Variants in NPAS2 observed in about 807,000 individuals in gnomAD.
The protein encoded by NPAS2 is neuronal PAS domain-containing protein 2.
A neutral mutation model predicts 107.5 loss-of-function variants in NPAS2; 23 were observed. The observed-to-expected ratio is 0.21, with a 90% confidence interval of 0.15 to 0.30. The LOEUF (loss-of-function observed/expected upper bound fraction) is 0.30, where lower values mean the gene tolerates loss of function less well. Among genes scored for constraint, NPAS2 ranks in the 10% least tolerant of loss-of-function variants. The pLI is 1.00. For missense variants in NPAS2, 756 were observed against 1,043.3 expected (o/e 0.72, Z 3.79); for synonymous variants, 403 against 417.5 (o/e 0.97, Z 0.42).
chr2:100,868,930 CTTATT>C (rs138054236), intron 1 of NPAS2, among the ~76,000 whole-genome samples: 7,754 of 151,922 alleles, frequency 0.051, 649 homozygotes, highest in African/African-American at 0.18. Context: ...ATTAAACATA[CTTATT>C]TTATTTTATT....
chr2:100,894,372 G>A (rs1180430464), intron 1 of NPAS2, among the ~76,000 whole-genome samples: 1 of 152,114 alleles, frequency 6.6e-6, no homozygotes, highest in African/African-American at 2.4e-5. Context: ...GTTTAGTTAT[G>A]AGCGGCTCAG....
At chr2:100,925,774 A>G (rs1683523788) in intron 3 of NPAS2, among the ~76,000 whole-genome samples, 1 of 152,192 alleles carries the variant, frequency 6.6e-6, no homozygotes, top group African/African-American at 2.4e-5. Context: ...TTAATGTCAC[A>G]TTCATTCTGT....
intron 1 of NPAS2, among the ~76,000 whole-genome samples, chr2:100,833,058 A>T (rs1197388314): frequency 1.3e-5 from 2 of 152,192 alleles, no homozygotes; most frequent in African/African-American, 4.8e-5. Context: ...AGACACCTAT[A>T]AAAACATTCA....
intron 1 of NPAS2, among the ~76,000 whole-genome samples, chr2:100,852,269 T>C (rs56089027): frequency 0.22 from 33,156 of 151,626 alleles, 3,768 homozygotes; most frequent in Admixed American, 0.33. Context: ...TGGTGGTGGG[T>C]GCCTGTAGTC....
At chr2:100,931,244 CTCTCCTGGGTTTCT>C (rs897606783) in intron 3 of NPAS2, among the ~76,000 whole-genome samples, 38 of 152,180 alleles carry the variant, frequency 2.5e-4, no homozygotes, top group African/African-American at 8.2e-4. Context: ...GCACGGTTTC[CTCTCCTGGGTTTCT>C]TCTCCTGGGT....
At chr2:100,834,905 G>A (rs1368573799) in intron 1 of NPAS2, among the ~76,000 whole-genome samples, 2 of 152,038 alleles carry the variant, frequency 1.3e-5, no homozygotes, top group Non-Finnish European at 2.9e-5. Flanking sequence ...AGTAGAGACC[G>A]GGTTTCACCA....
intron 1 of NPAS2, among the ~76,000 whole-genome samples, chr2:100,902,616 T>C (rs187668998): frequency 6.6e-6 from 1 of 152,196 alleles, no homozygotes; most frequent in South Asian, 2.1e-4. Context: ...GGCAAAGAGA[T>C]CTGGAATGGA....
rs146542444 is a variant in NPAS2 at position 100,872,335 on chromosome 2, G to C, written c.-22-32398G>C. Among the ~76,000 whole-genome samples, 121 of 152,236 alleles carry C rather than the reference G, an allele frequency of 7.9e-4. 1 individual carries two copies. The highest frequency in any genetic ancestry group is 3.4e-3 in the Middle Eastern group (1 of 294). On this transcript the variant is annotated intron_variant, in intron 1 of 20. Transcript: ENST00000335681. ...CCTCAGTTTCCTCATCTGGACAAAG[G>C]CAAACATGACAAAATGAGATAATAT...
At chr2:100,840,321 T>C (rs1467772884) in intron 1 of NPAS2, among the ~76,000 whole-genome samples, 1 of 152,166 alleles carries the variant, frequency 6.6e-6, no homozygotes, top group Non-Finnish European at 1.5e-5. Context: ...GCGAAGACTG[T>C]AGGTTCCCGG....
In NPAS2 at chr2:100,986,645, AATT is replaced by A. The variant is rs751463515; in HGVS notation, c.1630-1426_1630-1424del. 2.0e-5 allele frequency: 3 copies of A among 152,348 alleles called. No homozygotes were observed. The East Asian group carries it at 5.8e-4, about 29-fold the overall frequency. 9.4% of individuals were successfully genotyped at this position (152,348 alleles called of 1,614,324 possible). On this transcript the variant is annotated intron_variant, in intron 16 of 20. Transcript: ENST00000335681. The stretch of plus-strand genomic sequence containing the variant: ...AAAGCCAGTTTCAGGTCTGTCATTA[AATT>A]ATTATTAAAATTACAAAAGTTGTCT...
intron 1 of NPAS2, among the ~76,000 whole-genome samples, chr2:100,866,253 T>C (rs1679248035): frequency 6.6e-6 from 1 of 152,188 alleles, no homozygotes; most frequent in Admixed American, 6.6e-5. Context: ...CCTTGGATAC[T>C]CCTGACACAG....
At position 100,982,386 on chromosome 2, in the gene NPAS2, C is replaced by T. The variant is rs745337861; in HGVS notation, c.1629+9C>T. The T allele has an allele frequency of 1.2e-6, 2 of 1,613,252 alleles. No individual in the cohort carries two copies. The highest frequency in any genetic ancestry group is 1.3e-5 in the African/African-American group (1 of 75,052). On this transcript the variant is annotated intron_variant, in intron 16 of 20. Coordinates refer to ENST00000335681, the MANE Select transcript of NPAS2 (RefSeq NM_002518.4). ...AGGACTCCAACGTCCAGGTGATCCCCTTCCCGGGCTGGCCTCTGTCCCTGC... is the reference window on the plus strand; with the variant it reads ...AGGACTCCAACGTCCAGGTGATCCCTTTCCCGGGCTGGCCTCTGTCCCTGC...
chr2:100,959,472 C>A (rs993501530), intron 7 of NPAS2, among the ~76,000 whole-genome samples: 11 of 152,178 alleles, frequency 7.2e-5, no homozygotes, highest in Admixed American at 1.3e-4. Context: ...ACCCAGCCAC[C>A]TGGCTATTCA....
At chr2:100,920,417 C>T (rs919515890) in intron 2 of NPAS2, among the ~76,000 whole-genome samples, 1 of 152,078 alleles carries the variant, frequency 6.6e-6, no homozygotes, top group Non-Finnish European at 1.5e-5. Context: ...TAAACATGTA[C>T]AGTTTTTAAG....
intron 7 of NPAS2, among the ~76,000 whole-genome samples, chr2:100,959,100 A>AC (rs1558911968): frequency 8.4e-5 from 12 of 143,680 alleles, no homozygotes; most frequent in African/African-American, 1.4e-4. Context: ...AAAAAAAAAA[A>AC]AAAAAAAAAC....
chr2:100,995,282 C>T (rs1358762498), intron 20 of NPAS2, 118 bp from the exon 21 acceptor site: 3 of 891,478 alleles, frequency 3.4e-6, no homozygotes, highest in African/African-American at 1.7e-5. Context: ...CATGACCCCC[C>T]AAGAAAGACA....
chr2:100,907,523 C>CA (rs1553453441), intron 2 of NPAS2, among the ~76,000 whole-genome samples: 2 of 146,446 alleles, frequency 1.4e-5, no homozygotes, highest in African/African-American at 5.3e-5. Context: ...CACACACACA[C>CA]CCCTAAGATC....
At chr2:100,991,533 C>T (rs190401133) in intron 19 of NPAS2, among the ~76,000 whole-genome samples, 109 of 152,300 alleles carry the variant, frequency 7.2e-4, no homozygotes, top group African/African-American at 2.6e-3. Flanking sequence ...ACAGTGCTAG[C>T]CGATCAGGCC....
upstream of NPAS2, among the ~76,000 whole-genome samples, chr2:100,819,949 C>G (rs1001662457): frequency 2.0e-5 from 3 of 151,864 alleles, no homozygotes; most frequent in African/African-American, 7.2e-5. The surrounding 1 kb of genome is among the most constrained non-coding windows in gnomAD (Gnocchi z 5.8). Flanking sequence ...GGCCGGGGGT[C>G]CGTCTGCCTG....
Sources: gnomAD v4.1 joint callset for allele counts (sites outside exome capture counted in the v4.1 genomes callset) on GRCh38, gnomAD v4.1.1 for gene constraint, Gnocchi (gnomAD v3.1) non-coding constraint, MANE v1.5 for transcripts, NCBI Gene and HGNC (gene_info 2026-07-23, HGNC 2026-07-21) for gene names.